The following MPDZ variants were observed in gnomAD, a reference collection of about 807,000 sequenced individuals.
MPDZ encodes the protein multiple PDZ domain protein.
Under a neutral mutation model 239.1 loss-of-function variants are expected in MPDZ, and 234 were observed. That is an observed-to-expected ratio of 0.98 (90% CI 0.88 to 1.09). The LOEUF (loss-of-function observed/expected upper bound fraction) is 1.09. Among genes scored for constraint, MPDZ ranks in the 50% least tolerant of loss-of-function variants. The pLI, the probability that MPDZ is intolerant of heterozygous loss-of-function variation, is 0.00. For synonymous variants in MPDZ, 1,048 were observed against 881.3 expected (o/e 1.19, Z -3.35); for missense variants, 3,175 against 2,510.0 (o/e 1.26, Z -5.66).
intron 46 of MPDZ, 63 bp from the exon 47 acceptor site, chr9:13,107,174 A>G: frequency 6.7e-7 from 1 of 1,486,194 alleles, no homozygotes; most frequent in Non-Finnish European, 9.1e-7. Context: ...CTCACAACAG[A>G]AAAAGATCTC....
At chr9:13,201,846 G>T (rs540030700) in intron 12 of MPDZ, among the ~76,000 whole-genome samples, 4 of 152,048 alleles carry the variant, frequency 2.6e-5, no homozygotes, top group Non-Finnish European at 5.9e-5. Context: ...TGTGATCCTG[G>T]ATTATTTTTT....
intron 24 of MPDZ, among the ~76,000 whole-genome samples, chr9:13,153,941 T>C (rs1455970358): frequency 6.6e-6 from 1 of 152,170 alleles, no homozygotes; most frequent in Non-Finnish European, 1.5e-5. Context: ...AAATGTTTAT[T>C]AAGGGTTGTA....
At chr9:13,213,179 T>C (rs1256208840) in intron 10 of MPDZ, among the ~76,000 whole-genome samples, 1 of 152,068 alleles carries the variant, frequency 6.6e-6, no homozygotes, top group African/African-American at 2.4e-5. Flanking sequence ...CAGACTCCTT[T>C]TGTCAAATAG....
At chr9:13,213,250 C>G (rs1011295257) in intron 10 of MPDZ, among the ~76,000 whole-genome samples, 1 of 151,994 alleles carries the variant, frequency 6.6e-6, no homozygotes, top group Admixed American at 6.6e-5. Context: ...TCAGTCTATT[C>G]CTTGTCACTG....
intron 4 of MPDZ, 51 bp downstream of exon 4, chr9:13,224,323 T>A: frequency 7.0e-7 from 1 of 1,431,146 alleles, no homozygotes; most frequent in African/African-American, 1.4e-5. Context: ...TTGATCACAT[T>A]CTTAAATTAC....
chr9:13,222,800 G>C (rs1202962543), intron 5 of MPDZ, among the ~76,000 whole-genome samples: 1 of 151,692 alleles, frequency 6.6e-6, no homozygotes, highest in Non-Finnish European at 1.5e-5. Context: ...CCATAGATTA[G>C]ATCCCCAACT....
At chr9:13,130,680 G>A (rs1945850545) in intron 32 of MPDZ, among the ~76,000 whole-genome samples, 1 of 152,212 alleles carries the variant, frequency 6.6e-6, no homozygotes, top group Admixed American at 6.5e-5. Flanking sequence ...AAAATAAACA[G>A]AGGTGAGATT....
intron 12 of MPDZ, among the ~76,000 whole-genome samples, chr9:13,200,309 C>T (rs1007204127): frequency 6.6e-6 from 1 of 151,916 alleles, no homozygotes; most frequent in Non-Finnish European, 1.5e-5. Context: ...CTATTTGTCT[C>T]TGATTTTATC....
Position 13,183,518 on chromosome 9 carries a change from T to C in MPDZ, c.2549A>G (p.Asp850Gly), listed in dbSNP as rs760359366. 13 of 1,612,640 alleles carry C rather than the reference T, an allele frequency of 8.1e-6. No homozygotes were observed. The highest frequency in any genetic ancestry group is 1.1e-5 in the Non-Finnish European group (13 of 1,179,118). ...AGAGGCTTGAGTAGAGTAGATGCTG[T>C]CATTTTCAGGAGAGTATGGAGACTC... ...TFESPYSPENDSIYSTQASIL... is the reference protein window; with the variant it reads ...TFESPYSPENGSIYSTQASIL... Residue 850 changes from aspartate to glycine, a missense_variant, in exon 19 of 47, where the codon GAC (aspartate) becomes GGC (glycine). Coordinates refer to ENST00000319217, the MANE Select transcript of MPDZ (RefSeq NM_001378778.1).
At chr9:13,157,445 C>T (rs1949958592) in intron 24 of MPDZ, among the ~76,000 whole-genome samples, 1 of 152,084 alleles carries the variant, frequency 6.6e-6, no homozygotes, top group South Asian at 2.1e-4. Context: ...CAGTAAATTC[C>T]TATTAAACTA....
intron 1 of MPDZ, among the ~76,000 whole-genome samples, chr9:13,260,949 A>G (rs981232826): frequency 6.6e-6 from 1 of 152,206 alleles, no homozygotes; most frequent in African/African-American, 2.4e-5. Context: ...CTATGCTATC[A>G]TGTACTATGC....
intron 7 of MPDZ, among the ~76,000 whole-genome samples, chr9:13,220,538 A>G (rs912047285): frequency 6.6e-6 from 1 of 152,028 alleles, no homozygotes; most frequent in Non-Finnish European, 1.5e-5. Context: ...TAAATATCAC[A>G]TGCTAGTCAA....
chr9:13,165,550 T>C, intron 22 of MPDZ: 6 of 776,552 alleles, frequency 7.7e-6, no homozygotes, highest in South Asian at 6.5e-5. Flanking sequence ...TCCACCTCCC[T>C]CCCATCTACA....
intron 1 of MPDZ, among the ~76,000 whole-genome samples, chr9:13,277,859 C>T (rs763850102): frequency 6.6e-6 from 1 of 152,190 alleles, no homozygotes; most frequent in Non-Finnish European, 1.5e-5. Flanking sequence ...GCCATTGCGC[C>T]TGGCCAAGTT....
intron 19 of MPDZ, among the ~76,000 whole-genome samples, chr9:13,181,714 C>A (rs1953360224): frequency 1.3e-5 from 2 of 152,150 alleles, no homozygotes; most frequent in Non-Finnish European, 2.9e-5. Flanking sequence ...GTGCTGCATA[C>A]AGCCAGCATT....
chr9:13,152,207 T>C (rs1307830960), intron 24 of MPDZ, among the ~76,000 whole-genome samples: 1 of 152,120 alleles, frequency 6.6e-6, no homozygotes, highest in East Asian at 1.9e-4. Flanking sequence ...GCAGACCTGG[T>C]CACTAACAGT....
At chr9:13,268,738 A>C (rs1008755647) in intron 1 of MPDZ, among the ~76,000 whole-genome samples, 3 of 152,154 alleles carry the variant, frequency 2.0e-5, no homozygotes, top group African/African-American at 7.2e-5. Context: ...AAGGCAACAA[A>C]ACCATAAAGA....
intron 40 of MPDZ, among the ~76,000 whole-genome samples, chr9:13,114,675 G>C (rs779134843): frequency 6.6e-6 from 1 of 152,140 alleles, no homozygotes; most frequent in African/African-American, 2.4e-5. Flanking sequence ...GCTGAGGCGG[G>C]TGGATCACGA....
intron 1 of MPDZ, among the ~76,000 whole-genome samples, chr9:13,252,904 A>G (rs2138183638): frequency 6.6e-6 from 1 of 152,292 alleles, no homozygotes; most frequent in Admixed American, 6.5e-5. Context: ...AACTAGCTAT[A>G]CGCCCTTGTT....
Sources: allele counts gnomAD v4.1 joint callset (sites outside exome capture counted in the v4.1 genomes callset), GRCh38; gene constraint gnomAD v4.1.1; transcripts MANE v1.5; gene names NCBI Gene and HGNC (gene_info 2026-07-23, HGNC 2026-07-21).